The following IL19 variants were observed in gnomAD, a reference collection of about 807,000 sequenced individuals.
The protein encoded by IL19 is interleukin 19, also known as interleukin-19.
A neutral mutation model predicts 19.5 loss-of-function variants in IL19; 15 were observed. The observed-to-expected ratio is 0.77, with a 90% CI of 0.52 to 1.19. IL19 has a LOEUF of 1.19. IL19 is among the 50% of genes most tolerant of loss of function. IL19 has a pLI of 0.00. For synonymous variants in IL19, 78 were observed against 78.3 expected (o/e 1.00, Z 0.02); for missense variants, 199 against 213.1 (o/e 0.93, Z 0.41).
intron 1 of IL19, among the ~76,000 whole-genome samples, chr1:206,779,475 A>T (rs1291044351): frequency 2.6e-5 from 4 of 152,096 alleles, no homozygotes; most frequent in African/African-American, 9.7e-5. Flanking sequence ...TGGACTTTGT[A>T]GCCCCCATGG....
At chr1:206,790,031 C>A (rs1467030149) in intron 1 of IL19, among the ~76,000 whole-genome samples, 1 of 152,136 alleles carries the variant, frequency 6.6e-6, no homozygotes, top group South Asian at 2.1e-4. Context: ...ATAGTGACTT[C>A]TTTTCCTTTA....
intron 2 of IL19, chr1:206,833,703 C>G (rs917754276): frequency 1.0e-6 from 1 of 985,428 alleles, no homozygotes; most frequent in Non-Finnish European, 1.2e-6. Flanking sequence ...TTAAACCTCT[C>G]TTCTTTCCAG....
Position 206,771,051 on chromosome 1 carries a change from C to T in IL19, c.-176C>T. On this transcript the variant is annotated 5_prime_UTR_variant, in exon 1 of 7. An upstream open reading frame in the 5' UTR gains an earlier in-frame stop. Transcript: ENST00000659997. ...TCATCTCAGACAAGGCTTGGCAACC[C>T]AGGTAACCCTAAGGGCAGGAGCCAA... is the stretch of plus-strand genomic sequence containing the variant. 6.2e-7 allele frequency: 1 copy of T among 1,614,142 alleles called. No individual in the cohort carries two copies. Among genetic ancestry groups the T allele is most frequent in the Non-Finnish European group, 8.5e-7 (1 of 1,180,014 alleles).
chr1:206,781,431 A>AG (rs1675126195), intron 1 of IL19, among the ~76,000 whole-genome samples: 6 of 148,644 alleles, frequency 4.0e-5, no homozygotes, highest in Non-Finnish European at 7.5e-5. Context: ...AAAAAAAAAA[A>AG]AAAAAAAGAA....
chr1:206,799,298 T>C (rs1675617250), intron 2 of IL19, among the ~76,000 whole-genome samples: 1 of 152,150 alleles, frequency 6.6e-6, no homozygotes, highest in Admixed American at 6.5e-5. Flanking sequence ...ATACTGGTCA[T>C]GGCCCATTTC....
At chr1:206,817,551 A>C (rs1391571864) in intron 2 of IL19, among the ~76,000 whole-genome samples, 1 of 152,202 alleles carries the variant, frequency 6.6e-6, no homozygotes, top group Non-Finnish European at 1.5e-5. Flanking sequence ...TAGAGGCATA[A>C]ATCTCATCTA....
chr1:206,821,917 C>T (rs1043882925), intron 2 of IL19, among the ~76,000 whole-genome samples: 2 of 152,148 alleles, frequency 1.3e-5, no homozygotes, highest in East Asian at 3.9e-4. Context: ...AAGAGGTGTC[C>T]AGGTTCTTCA....
chr1:206,803,258 C>T (rs1327264441), intron 2 of IL19, among the ~76,000 whole-genome samples: 1 of 152,136 alleles, frequency 6.6e-6, no homozygotes. Context: ...CTTGGGGTGC[C>T]AGGAAGTCGG....
chr1:206,771,845 T>C (rs889658525), intron 1 of IL19, among the ~76,000 whole-genome samples: 1 of 152,234 alleles, frequency 6.6e-6, no homozygotes, highest in Non-Finnish European at 1.5e-5. Context: ...TAATGCAGGT[T>C]TCCCTCATGT....
Position 206,799,007 on chromosome 1 carries a change from G to C in IL19, c.-3+1G>C. The C allele has an allele frequency of 6.2e-7, 1 of 1,603,724 alleles. No homozygotes were observed. The highest frequency in any genetic ancestry group is 8.5e-7 in the Non-Finnish European group (1 of 1,170,798). ...GTGCTTTGGGGCTCTGTTCCACGGG[G>C]TAAGTAATTTCTGCTATAGGGACCC... is the stretch of plus-strand genomic sequence containing the variant. On this transcript the variant is annotated splice_donor_variant, in intron 2 of 6. Coordinates refer to ENST00000659997, the MANE Select transcript of IL19 (RefSeq NM_153758.5). LOFTEE classifies it low-confidence loss of function (5UTR_SPLICE).
At chr1:206,830,770 G>C (rs1215508665) in intron 2 of IL19, among the ~76,000 whole-genome samples, 1 of 152,092 alleles carries the variant, frequency 6.6e-6, no homozygotes, top group Non-Finnish European at 1.5e-5. Context: ...GTAGAGACGG[G>C]GTTTCACCAC....
intron 2 of IL19, among the ~76,000 whole-genome samples, chr1:206,821,726 CA>C (rs1676294491): frequency 6.6e-6 from 1 of 152,230 alleles, no homozygotes; most frequent in African/African-American, 2.4e-5. Context: ...CCAGGCACAG[CA>C]GGGCTAAGAA....
intron 1 of IL19, among the ~76,000 whole-genome samples, chr1:206,784,308 C>T (rs1274473516): frequency 2.0e-5 from 3 of 152,182 alleles, no homozygotes; most frequent in Admixed American, 2.0e-4. Context: ...TCTCTCCTCC[C>T]AGCCTGCCCC....
intron 2 of IL19, among the ~76,000 whole-genome samples, chr1:206,816,169 T>C (rs78661646): frequency 2.0e-5 from 3 of 152,170 alleles, no homozygotes. Flanking sequence ...CCAGCAGACC[T>C]GCACTAATGT....
chr1:206,827,276 G>A (rs907630500), intron 2 of IL19, among the ~76,000 whole-genome samples: 2 of 152,126 alleles, frequency 1.3e-5, no homozygotes, highest in Admixed American at 1.3e-4. Context: ...GGATTTTATG[G>A]TGTTTGTGTT....
chr1:206,782,592 A>C (rs1675173703), intron 1 of IL19, among the ~76,000 whole-genome samples: 2 of 152,226 alleles, frequency 1.3e-5, no homozygotes, highest in African/African-American at 4.8e-5. Flanking sequence ...GTGGTCTTTC[A>C]GTTTAGCAGC....
intron 1 of IL19, among the ~76,000 whole-genome samples, chr1:206,797,454 T>C (rs1675552470): frequency 6.6e-6 from 1 of 152,130 alleles, no homozygotes; most frequent in South Asian, 2.1e-4. Context: ...CAGGTATTCT[T>C]GCAAATGTCT....
chr1:206,797,319 G>A lies in IL19; in HGVS notation c.-148-1542G>A, dbSNP rs527773834. 4.9e-4 allele frequency among the ~76,000 whole-genome samples: 75 copies of A among 151,954 alleles called. 1 individual carries two copies. Among genetic ancestry groups the A allele is most frequent in the Admixed American group, 7.9e-4 (12 of 15,284 alleles). ...AGGCAGGAAGGGAATTCATGGCGGA[G>A]GGTGGGGTGAGGTGGAGGTCATGTC... On this transcript the variant is annotated intron_variant, in intron 1 of 6. Coordinates refer to ENST00000659997, the MANE Select transcript of IL19 (RefSeq NM_153758.5).
intron 2 of IL19, among the ~76,000 whole-genome samples, chr1:206,836,328 C>T (rs778720931): frequency 6.6e-6 from 1 of 152,090 alleles, no homozygotes; most frequent in East Asian, 1.9e-4. Flanking sequence ...CAATGCTTTT[C>T]ACCCCTGTTG....
Sources: allele counts gnomAD v4.1 joint callset (sites outside exome capture counted in the v4.1 genomes callset), GRCh38; gene constraint gnomAD v4.1.1; transcripts MANE v1.5; gene names NCBI Gene and HGNC (gene_info 2026-07-23, HGNC 2026-07-21).